The following CCDC102A variants were observed in gnomAD, a reference collection of about 807,000 sequenced individuals.
The protein encoded by CCDC102A is coiled-coil domain-containing protein 102A.
In CCDC102A, 40 loss-of-function variants were observed where a neutral mutation model predicts 55.5. That is an observed-to-expected ratio of 0.72 (90% CI 0.56 to 0.94). The LOEUF (loss-of-function observed/expected upper bound fraction) is 0.94. Among genes scored for constraint, CCDC102A ranks in the 40% least tolerant of loss-of-function variants. CCDC102A has a pLI of 0.00. For missense variants in CCDC102A, 779 were observed against 768.6 expected (o/e 1.01, Z -0.16); for synonymous variants, 323 against 339.0 (o/e 0.95, Z 0.52).
intron 3 of CCDC102A, among the ~76,000 whole-genome samples, chr16:57,521,850 C>T (rs2032057113): frequency 6.6e-6 from 1 of 152,228 alleles, no homozygotes; most frequent in Non-Finnish European, 1.5e-5. Flanking sequence ...CCTTCATGAC[C>T]CCACACCACA....
At position 57,528,688 on chromosome 16, in the gene CCDC102A, G is replaced by A. The variant is rs2032189834; in HGVS notation, c.490C>T (p.Arg164Trp). ...GRELARLRGA[R>W]GVADQTRDGP... Reference sequence around the variant, plus strand: ...TCGCGCGTCTGGTCGGCGACCCCCCGGGCGCCCCTCAGCCGCGCCAGCTCG... The same window carrying A: ...TCGCGCGTCTGGTCGGCGACCCCCCAGGCGCCCCTCAGCCGCGCCAGCTCG... The change falls in exon 2 of 9, where the codon CGG becomes TGG. Residue 164 changes from arginine (R) to tryptophan (W), a missense_variant. Coordinates refer to ENST00000258214, the MANE Select transcript of CCDC102A (RefSeq NM_033212.4). 8.9e-7 allele frequency: 1 copy of A among 1,123,112 alleles called. No homozygotes were observed. Among genetic ancestry groups the A allele is most frequent in the Non-Finnish European group, 1.1e-6 (1 of 914,688 alleles). The allele number at this position is 1,123,112 out of a possible 1,614,324, so 69.6% of individuals were successfully genotyped here. A position where few individuals can be genotyped will look rare whatever the true frequency, so the allele number is the denominator to read the frequency against.
chr16:57,515,119 G>C (rs2031930085), intron 8 of CCDC102A, among the ~76,000 whole-genome samples: 1 of 152,154 alleles, frequency 6.6e-6, no homozygotes, highest in South Asian at 2.1e-4. Flanking sequence ...TCCTGCTAGA[G>C]GAGACAATTC....
chr16:57,517,269 C>T (rs558445581), intron 6 of CCDC102A, among the ~76,000 whole-genome samples: 18 of 152,280 alleles, frequency 1.2e-4, no homozygotes, highest in Non-Finnish European at 1.3e-4. Context: ...TCATGTTATT[C>T]CTAACTTCTC....
intron 1 of CCDC102A, among the ~76,000 whole-genome samples, chr16:57,530,145 G>A (rs1362733681): frequency 6.6e-6 from 1 of 152,142 alleles, no homozygotes; most frequent in Non-Finnish European, 1.5e-5. Flanking sequence ...TGAGAGTGCA[G>A]CAGGATGTTC....
In CCDC102A at chr16:57,512,794, C is replaced by T. The variant is rs1440350931; in HGVS notation, c.1600G>A (p.Asp534Asn). The T allele has an allele frequency of 6.2e-7, 1 of 1,614,164 alleles. No individual in the cohort carries two copies. Among genetic ancestry groups the T allele is most frequent in the South Asian group, 1.1e-5 (1 of 91,082 alleles). ...SARFGTEEAE[D>N]GTSDLDEDED... ...TCCTCGTCCAGGTCACTGGTTCCAT[C>T]CTCGGCCTCCTCGGTGCCAAAGCGA... The change falls in exon 9 of 9, where the codon GAT (aspartate) becomes AAT (asparagine). Residue 534 changes from aspartate (D) to asparagine (N), a missense_variant. Transcript: ENST00000258214.
At chr16:57,519,211 C>T (rs2032007743) in intron 4 of CCDC102A, among the ~76,000 whole-genome samples, 1 of 152,232 alleles carries the variant, frequency 6.6e-6, no homozygotes, top group African/African-American at 2.4e-5. Context: ...ACACCAAGTT[C>T]CTGCCCACCA....
chr16:57,516,307 G>A lies in CCDC102A; in HGVS notation c.1405C>T (p.Gln469Ter). ...RVEELKKELA[Q>*]AEDELDEAHN... The stretch of plus-strand genomic sequence containing the variant: ...GTGGTCCTCACCTCGTCCTCAGCCT[G>A]GGCCAGCTCCTTCTTGAGCTCCTCC... The change falls in exon 7 of 9, where the codon CAG becomes TAG. Residue 469 changes from glutamine (Q) to a stop codon, truncating the protein, a stop_gained. Coordinates refer to ENST00000258214, the MANE Select transcript of CCDC102A (RefSeq NM_033212.4). LOFTEE classifies it high-confidence loss of function. The surrounding 1 kb of genome is among the most constrained non-coding windows in gnomAD (Gnocchi z 4.4). 6.2e-7 allele frequency: 1 copy of A among 1,605,552 alleles called. No individual in the cohort carries two copies. Among genetic ancestry groups the A allele is most frequent in the Non-Finnish European group, 8.5e-7 (1 of 1,180,000 alleles).
chr16:57,527,455 C>T (rs1056438771), intron 2 of CCDC102A, among the ~76,000 whole-genome samples: 1 of 147,208 alleles, frequency 6.8e-6, no homozygotes, highest in Non-Finnish European at 1.5e-5. Flanking sequence ...GATTCACTCT[C>T]GTTGCCCAGG....
rs567893073 is a variant in CCDC102A at position 57,516,245 on chromosome 16, C to T, written c.1419+48G>A. ...CAGGATGGCCCTGCGGCCCCCACTCCTCCCTGGCCAAGGTCTGTTGCTGCC... is the reference window on the plus strand; with the variant it reads ...CAGGATGGCCCTGCGGCCCCCACTCTTCCCTGGCCAAGGTCTGTTGCTGCC... On this transcript the variant is annotated intron_variant, in intron 7 of 8. Transcript: ENST00000258214. The surrounding 1 kb of genome is among the most constrained non-coding windows in gnomAD (Gnocchi z 4.4). The T allele has an allele frequency of 5.1e-6, 8 of 1,578,560 alleles. No homozygotes were observed. The East Asian group carries it at 1.6e-4, about 31-fold the overall frequency.
At chr16:57,536,573 A>C (rs1210937632), upstream of CCDC102A, 6 of 151,974 alleles carry the variant, frequency 3.9e-5, no homozygotes, top group African/African-American at 1.4e-4. Flanking sequence ...TGCAGCTGCG[A>C]CCGCCGCCGG....
rs1214021096 is a variant in CCDC102A at position 57,518,244 on chromosome 16, A to C, written c.1072T>G (p.Trp358Gly). Residue 358 changes from tryptophan to glycine, a missense_variant, in exon 6 of 9, where the codon TGG (tryptophan) becomes GGG (glycine). By Grantham distance (184) the Trp-to-Gly change is radical. Coordinates refer to ENST00000258214, the MANE Select transcript of CCDC102A (RefSeq NM_033212.4). Reference protein sequence around the residue: ...ERLQAENAAEWGRRERLETEK... With the variant: ...ERLQAENAAEGGRRERLETEK... ...GTCTCCAGCCGCTCCCGGCGGCCCC[A>C]CTCCGCAGCGTTTTCGGCCTGCAGC... 6.2e-7 allele frequency: 1 copy of C among 1,610,786 alleles called. No homozygotes were observed. The highest frequency in any genetic ancestry group is 8.5e-7 in the Non-Finnish European group (1 of 1,179,860).
chr16:57,528,961 C>G lies in CCDC102A; in HGVS notation c.217G>C (p.Glu73Gln). 7.4e-7 allele frequency: 1 copy of G among 1,348,098 alleles called. No individual in the cohort carries two copies. Among genetic ancestry groups the G allele is most frequent in the Non-Finnish European group, 9.6e-7 (1 of 1,038,294 alleles). 83.5% of individuals were successfully genotyped at this position (1,348,098 alleles called of 1,614,324 possible). Residue 73 changes from glutamate (E) to glutamine (Q), a missense_variant, in exon 2 of 9, where the codon GAG becomes CAG. Coordinates refer to ENST00000258214, the MANE Select transcript of CCDC102A (RefSeq NM_033212.4). Reference protein sequence around the residue: ...LLADGDWESREELRLRELEEA... With the variant: ...LLADGDWESRQELRLRELEEA... ...TCCAGCTCCCGCAGCCGCAGCTCCT[C>G]GCGGCTCTCCCAGTCGCCGTCGGCC...
At chr16:57,520,705 C>T (rs1249931045) in intron 4 of CCDC102A, among the ~76,000 whole-genome samples, 1 of 151,774 alleles carries the variant, frequency 6.6e-6, no homozygotes, top group Non-Finnish European at 1.5e-5. Context: ...CTTTGGAGGC[C>T]GAGGCAGAAG....
At chr16:57,524,728 G>C (rs79766523) in intron 3 of CCDC102A, among the ~76,000 whole-genome samples, 7,639 of 152,186 alleles carry the variant, frequency 0.05, 596 homozygotes, top group African/African-American at 0.17. Flanking sequence ...TTTTAAAAAG[G>C]AGTGTGTAGA....
chr16:57,521,165 G>C lies in CCDC102A; in HGVS notation c.824C>G (p.Ala275Gly). 1 of 1,612,054 alleles carries C rather than the reference G, an allele frequency of 6.2e-7. No homozygotes were observed. Among genetic ancestry groups the C allele is most frequent in the Non-Finnish European group, 8.5e-7 (1 of 1,179,376 alleles). ...VLLKEREDKL[A>G]LSRNIEKLEG... ...TAGCTTCTCAATGTTCCTGCTCAAC[G>C]CCAGTTTATCCCTGGGGAAGGGACA... is the stretch of plus-strand genomic sequence containing the variant. Residue 275 changes from alanine (A) to glycine (G), a missense_variant, in exon 4 of 9, where the codon GCG becomes GGG. Physicochemically the swap from Ala to Gly is moderately conservative, Grantham distance 60 (BLOSUM62 0). Transcript: ENST00000258214.
Position 57,528,641 on chromosome 16 carries a change from C to A in CCDC102A, c.537G>T (p.Glu179Asp). Residue 179 changes from glutamate (E) to aspartate (D), a missense_variant, in exon 2 of 9, where the codon GAG becomes GAT. Glu to Asp is a conservative substitution (Grantham distance 45). Transcript: ENST00000258214. ...ACCCGACGTCACGCACTGGCTCGCGCTCCGCTTCCGGCTCGGGGCCGTCGC... is the reference window on the plus strand; with the variant it reads ...ACCCGACGTCACGCACTGGCTCGCGATCCGCTTCCGGCTCGGGGCCGTCGC... ...QTRDGPEPEA[E>D]REPVRDVGSE... is the part of the protein sequence containing the mutation. The A allele has an allele frequency of 8.2e-7, 1 of 1,214,728 alleles. No individual in the cohort carries two copies. The highest frequency in any genetic ancestry group is 4.3e-5 in the East Asian group (1 of 23,102). The allele number at this position is 1,214,728 out of a possible 1,614,324, so 75.2% of individuals were successfully genotyped here.
chr16:57,536,159 C>T (rs1442618284), intron 1 of CCDC102A, among the ~76,000 whole-genome samples: 2 of 152,118 alleles, frequency 1.3e-5, no homozygotes, highest in Non-Finnish European at 2.9e-5. Flanking sequence ...TTCGCCATGG[C>T]GACCACGTTG....
At chr16:57,535,825 C>G (rs2032365326) in intron 1 of CCDC102A, among the ~76,000 whole-genome samples, 1 of 152,180 alleles carries the variant, frequency 6.6e-6, no homozygotes, top group Non-Finnish European at 1.5e-5. Flanking sequence ...AACAGGTGGG[C>G]AGACCTCCCG....
At chr16:57,524,909 G>A (rs556629435) in intron 3 of CCDC102A, among the ~76,000 whole-genome samples, 20 of 152,056 alleles carry the variant, frequency 1.3e-4, no homozygotes, top group Non-Finnish European at 2.4e-4. Context: ...TCTGTCCTCC[G>A]GGAAACGGTT....
Sources: allele counts gnomAD v4.1 joint callset (sites outside exome capture counted in the v4.1 genomes callset), GRCh38; gene constraint gnomAD v4.1.1; non-coding constraint Gnocchi (gnomAD v3.1); transcripts MANE v1.5; gene names NCBI Gene and HGNC (gene_info 2026-07-23, HGNC 2026-07-21).